Variants in PAN3 observed in about 807,000 individuals in gnomAD.
The protein encoded by PAN3 is poly(A) specific ribonuclease subunit PAN3.
Under a neutral mutation model 96.2 loss-of-function variants are expected in PAN3, and 19 were observed. The ratio of observed to expected loss-of-function variants is 0.20; its 90% CI spans 0.14 to 0.29. The LOEUF is 0.29. PAN3 is among the 10% of genes least tolerant of loss of function. The pLI is 1.00. For synonymous variants in PAN3, 433 were observed against 406.6 expected (o/e 1.06, Z -0.78); for missense variants, 882 against 1,108.1 (o/e 0.80, Z 2.90).
intron 1 of PAN3, among the ~76,000 whole-genome samples, chr13:28,171,581 CAG>C (rs1874311447): frequency 6.6e-6 from 1 of 152,176 alleles, no homozygotes; most frequent in African/African-American, 2.4e-5. Context: ...TCATGGAACT[CAG>C]GGAAACACTT....
chr13:28,280,644 C>G, intron 16 of PAN3, 103 bp downstream of exon 16: 1 of 1,086,344 alleles, frequency 9.2e-7, no homozygotes, highest in Non-Finnish European at 1.3e-6. Context: ...TTACTGTAAC[C>G]TCTGCCTCCT....
At chr13:28,195,098 G>A (rs1318128147) in intron 4 of PAN3, among the ~76,000 whole-genome samples, 2 of 152,100 alleles carry the variant, frequency 1.3e-5, no homozygotes, top group African/African-American at 4.8e-5. Flanking sequence ...AAAGGTGGAG[G>A]TATGTTAGTC....
At chr13:28,158,705 C>T (rs567963631) in intron 1 of PAN3, among the ~76,000 whole-genome samples, 13 of 152,116 alleles carry the variant, frequency 8.5e-5, no homozygotes, top group Non-Finnish European at 1.6e-4. Flanking sequence ...AGTGAAACCC[C>T]GTCTCTACTA....
intron 7 of PAN3, 43 bp from the exon 8 acceptor site, chr13:28,260,404 A>G: frequency 6.8e-7 from 1 of 1,470,112 alleles, no homozygotes; most frequent in Non-Finnish European, 9.5e-7. Context: ...AAAAAAAGAA[A>G]GAAAAATGAG....
chr13:28,246,609 C>T (rs944099888), intron 6 of PAN3, among the ~76,000 whole-genome samples: 2 of 152,140 alleles, frequency 1.3e-5, no homozygotes, highest in African/African-American at 4.8e-5. Flanking sequence ...CTGGTAACCA[C>T]CAGTCTTCTT....
At chr13:28,267,442 T>C (rs895551390) in intron 12 of PAN3, 41 bp downstream of exon 12, 3 of 1,493,436 alleles carry the variant, frequency 2.0e-6, no homozygotes, top group Non-Finnish European at 1.9e-6. Context: ...TGACTAATGC[T>C]TTTGCTCTGT....
At chr13:28,232,032 G>A (rs986842273) in intron 6 of PAN3, among the ~76,000 whole-genome samples, 1 of 152,008 alleles carries the variant, frequency 6.6e-6, no homozygotes, top group African/African-American at 2.4e-5. Flanking sequence ...TCACTGTTAC[G>A]CAGTCATAAG....
chr13:28,239,300 G>T (rs1883427128), intron 6 of PAN3, among the ~76,000 whole-genome samples: 1 of 151,788 alleles, frequency 6.6e-6, no homozygotes, highest in African/African-American at 2.4e-5. Flanking sequence ...TTCCATTTAT[G>T]TTCCCTTCAT....
rs34007586 is a variant in PAN3, at chr13:28,151,514, C to CA, written c.430+12439dup. ...TAGGTGACAGAGCCAGACTCTGTCT[C>CA]AAAAAAAAAAAAGTTCTGTGGCAAG... On this transcript the variant is annotated intron_variant, in intron 1 of 18. Coordinates refer to ENST00000380958, the MANE Select transcript of PAN3 (RefSeq NM_175854.8). Among the ~76,000 whole-genome samples, 132 of 133,034 alleles carry CA rather than the reference C, an allele frequency of 9.9e-4. 1 individual carries two copies. Among genetic ancestry groups the CA allele is most frequent in the East Asian group, 2.6e-3 (12 of 4,676 alleles). The allele number at this position is 133,034 out of a possible 152,430, so 87.3% of individuals were successfully genotyped here. A position where few individuals can be genotyped will look rare whatever the true frequency, so the allele number is the denominator to read the frequency against.
intron 6 of PAN3, among the ~76,000 whole-genome samples, chr13:28,242,225 T>C (rs1883736327): frequency 6.6e-6 from 1 of 152,196 alleles, no homozygotes. Context: ...TCATTTACTT[T>C]TCCTCTGCCC....
intron 6 of PAN3, among the ~76,000 whole-genome samples, chr13:28,253,815 T>C (rs1229421446): frequency 6.6e-6 from 1 of 152,144 alleles, no homozygotes. Context: ...CAGCCTCAGC[T>C]CAGATGAACT....
At position 28,244,791 on chromosome 13, in the gene PAN3, C is replaced by CT. The variant is rs746999258; in HGVS notation, c.1001-11494dup. Among the ~76,000 whole-genome samples, 906 of 151,098 alleles carry CT rather than the reference C, an allele frequency of 6.0e-3. 9 individuals carry two copies. The highest frequency in any genetic ancestry group is 9.0e-3 in the Non-Finnish European group (607 of 67,704). Reference sequence around the variant, plus strand: ...AGTTTTTTTCTGGCTATTCTTGATGCTTTTTTTCCCCCACATAGATATAAT... The same window carrying CT: ...AGTTTTTTTCTGGCTATTCTTGATGCTTTTTTTTCCCCCACATAGATATAAT... On this transcript the variant is annotated intron_variant, in intron 6 of 18. Coordinates refer to ENST00000380958, the MANE Select transcript of PAN3 (RefSeq NM_175854.8).
At chr13:28,148,908 T>G (rs1382116169) in intron 1 of PAN3, among the ~76,000 whole-genome samples, 1 of 152,186 alleles carries the variant, frequency 6.6e-6, no homozygotes, top group Non-Finnish European at 1.5e-5. Context: ...GATATTTTAG[T>G]GGTTTATAGT....
intron 1 of PAN3, among the ~76,000 whole-genome samples, chr13:28,141,153 C>T (rs1869749478): frequency 6.6e-6 from 1 of 151,614 alleles, no homozygotes; most frequent in Admixed American, 6.6e-5. Context: ...TACAGGCATG[C>T]GCCACCACGA....
intron 6 of PAN3, among the ~76,000 whole-genome samples, chr13:28,224,562 ATTCC>A (rs1881792448): frequency 6.6e-6 from 1 of 152,216 alleles, no homozygotes; most frequent in African/African-American, 2.4e-5. Context: ...GTCAATATTC[ATTCC>A]TTCAAGATGA....
chr13:28,211,187 G>A (rs1399408331), intron 5 of PAN3, among the ~76,000 whole-genome samples: 2 of 152,004 alleles, frequency 1.3e-5, no homozygotes, highest in African/African-American at 2.4e-5. Context: ...AGGTGTGAGC[G>A]GCCATGCCTG....
chr13:28,220,291 A>C lies in PAN3; in HGVS notation c.913A>C (p.Asn305His), dbSNP rs1881265108. 6.2e-7 allele frequency: 1 copy of C among 1,613,782 alleles called. No individual in the cohort carries two copies. Among genetic ancestry groups the C allele is most frequent in the Non-Finnish European group, 8.5e-7 (1 of 1,179,812 alleles). The change falls in exon 6 of 19, where the codon AAC (asparagine) becomes CAC (histidine). Residue 305 changes from asparagine (N) to histidine (H), a missense_variant. Physicochemically the swap from Asn to His is moderately conservative, Grantham distance 68. Around this residue, in one of 3 missense-constraint regions of PAN3, gnomAD observed 442 missense variants for 422.8 expected, o/e 1.05. Transcript: ENST00000380958. ...PKGGSTSRLS[N>H]VSQSNMSAFS... The stretch of plus-strand genomic sequence containing the variant: ...AGGAGGATCAACCTCCAGGCTGAGT[A>C]ACGTGTCCCAGTCAAATATGTCTGC...
chr13:28,263,137 T>C (rs1885873470), intron 9 of PAN3, among the ~76,000 whole-genome samples: 1 of 152,190 alleles, frequency 6.6e-6, no homozygotes, highest in Non-Finnish European at 1.5e-5. Flanking sequence ...TATGTTCATA[T>C]GAAGAATTTG....
At chr13:28,174,805 T>G (rs895478790) in intron 2 of PAN3, among the ~76,000 whole-genome samples, 52 of 152,350 alleles carry the variant, frequency 3.4e-4, no homozygotes, top group African/African-American at 1.2e-3. Context: ...GAGTTAGCTA[T>G]CATTACTGGT....
Sources: allele counts gnomAD v4.1 joint callset (sites outside exome capture counted in the v4.1 genomes callset), GRCh38; gene constraint gnomAD v4.1.1; regional missense constraint gnomAD v4.1.1; transcripts MANE v1.5; gene names NCBI Gene and HGNC (gene_info 2026-07-23, HGNC 2026-07-21).